Variants in RPTOR observed in about 807,000 individuals in gnomAD.
RPTOR encodes the protein regulatory-associated protein of mTOR.
In RPTOR, 21 loss-of-function variants were observed where a neutral mutation model predicts 169.9. The ratio of observed to expected loss-of-function variants is 0.12; its 90% confidence interval spans 0.09 to 0.18. RPTOR has a LOEUF of 0.18. Among genes scored for constraint, RPTOR ranks in the 10% least tolerant of loss-of-function variants. RPTOR has a pLI of 1.00. For synonymous variants in RPTOR, 732 were observed against 753.2 expected (o/e 0.97, Z 0.46); for missense variants, 1,133 against 1,855.9 (o/e 0.61, Z 7.16).
intron 3 of RPTOR, among the ~76,000 whole-genome samples, chr17:80,700,692 T>C (rs1598236043): frequency 4.8e-5 from 4 of 83,040 alleles, no homozygotes; most frequent in Admixed American, 1.2e-4. Context: ...GTGGTGGTGA[T>C]GGTGATGGTG....
At chr17:80,582,432 G>T (rs1356140529) in intron 1 of RPTOR, among the ~76,000 whole-genome samples, 1 of 152,102 alleles carries the variant, frequency 6.6e-6, no homozygotes, top group Non-Finnish European at 1.5e-5. Flanking sequence ...GGACTGTGTG[G>T]ACGCAGATCC....
At chr17:80,893,131 C>T (rs1269072787) in intron 19 of RPTOR, among the ~76,000 whole-genome samples, 1 of 152,250 alleles carries the variant, frequency 6.6e-6, no homozygotes, top group Non-Finnish European at 1.5e-5. Context: ...GGCGGTGGCT[C>T]CTTGGAGGGC....
intron 1 of RPTOR, among the ~76,000 whole-genome samples, chr17:80,590,647 C>A (rs1429375318): frequency 5.3e-5 from 8 of 152,228 alleles, no homozygotes. Context: ...TGCGTGCACA[C>A]AGTGTCTTTA....
chr17:80,917,820 A>C (rs2068692024), intron 21 of RPTOR, among the ~76,000 whole-genome samples: 1 of 152,034 alleles, frequency 6.6e-6, no homozygotes, highest in East Asian at 1.9e-4. Context: ...CCCCTCCGGG[A>C]ATCGTGAGCT....
In RPTOR at chr17:80,927,828, G is replaced by A. The variant is rs188519655; in HGVS notation, c.2919+2348G>A. On this transcript the variant is annotated intron_variant, in intron 24 of 33. Transcript: ENST00000306801. Reference sequence around the variant, plus strand: ...TCTTCAGATTAGCAGCCCCTCCTCCGCCTGCCCTCATCTCCTCCATTTGCA... The same window carrying A: ...TCTTCAGATTAGCAGCCCCTCCTCCACCTGCCCTCATCTCCTCCATTTGCA... Among the ~76,000 whole-genome samples, 894 of 151,778 alleles carry A rather than the reference G, an allele frequency of 5.9e-3. 6 individuals are homozygous for A. Among genetic ancestry groups the A allele is most frequent in the African/African-American group, 0.021 (849 of 41,310 alleles).
intron 25 of RPTOR, chr17:80,941,954 A>G (rs2144041833): frequency 6.6e-6 from 1 of 152,404 alleles, no homozygotes; most frequent in Admixed American, 6.5e-5. Context: ...ATTAACGCAG[A>G]CGGTGGCTGT....
At chr17:80,712,086 T>G (rs1249289004) in intron 4 of RPTOR, among the ~76,000 whole-genome samples, 3 of 152,126 alleles carry the variant, frequency 2.0e-5, no homozygotes, top group Admixed American at 6.5e-5. Context: ...TAAGAGCAGT[T>G]TTAATTTTAC....
chr17:80,833,763 G>A (rs1023342492), intron 9 of RPTOR, among the ~76,000 whole-genome samples: 6 of 152,242 alleles, frequency 3.9e-5, no homozygotes, highest in African/African-American at 1.4e-4. Flanking sequence ...GCCACGGCAG[G>A]CAGATCACCT....
At chr17:80,583,264 T>C (rs183455383) in intron 1 of RPTOR, among the ~76,000 whole-genome samples, 8 of 143,190 alleles carry the variant, frequency 5.6e-5, no homozygotes, top group Non-Finnish European at 1.2e-4. Context: ...TCACCGCTCA[T>C]TGCAGCTTCT....
At chr17:80,744,947 T>C (rs1009279093) in intron 5 of RPTOR, among the ~76,000 whole-genome samples, 3 of 140,688 alleles carry the variant, frequency 2.1e-5, no homozygotes, top group African/African-American at 9.4e-5. Flanking sequence ...CCCTGGTTAC[T>C]AGCAGAGCCC....
At position 80,782,537 on chromosome 17, in the gene RPTOR, T is replaced by C. The variant is rs139275071; in HGVS notation, c.831-8913T>C. ...TATTTAGCGGGAAACTAATGCCTCT[T>C]GCAGCCATCAGGCACTGTTTTCCCT... On this transcript the variant is annotated intron_variant, in intron 6 of 33. Coordinates refer to ENST00000306801, the MANE Select transcript of RPTOR (RefSeq NM_020761.3). Among the ~76,000 whole-genome samples, 1,264 of 152,314 alleles carry C rather than the reference T, an allele frequency of 8.3e-3. 16 individuals are homozygous for C. Among genetic ancestry groups the C allele is most frequent in the African/African-American group, 0.028 (1,168 of 41,554 alleles).
chr17:80,947,280 C>T lies in RPTOR; in HGVS notation c.3194C>T (p.Pro1065Leu). 6.2e-7 allele frequency: 1 copy of T among 1,605,958 alleles called. No individual in the cohort carries two copies. The change falls in exon 27 of 34, where the codon CCT becomes CTT. Residue 1065 changes from proline (P) to leucine (L), a missense_variant. Physicochemically the swap from Pro to Leu is moderately conservative, Grantham distance 98. Transcript: ENST00000306801. The surrounding 1 kb of genome is among the most constrained non-coding windows in gnomAD (Gnocchi z 4.4). ...CTGGATTATTTCCACAATGGGAACC[C>T]TCGGTACACGAGGGTCACTGCCATG... ...EKLDYFHNGN[P>L]RYTRVTAMEY...
intron 6 of RPTOR, among the ~76,000 whole-genome samples, chr17:80,760,669 T>G (rs1231378471): frequency 6.6e-6 from 1 of 152,208 alleles, no homozygotes; most frequent in Non-Finnish European, 1.5e-5. Flanking sequence ...AGCTTGGCAC[T>G]TCCTGCTCCA....
intron 5 of RPTOR, among the ~76,000 whole-genome samples, chr17:80,740,677 T>C (rs1171219838): frequency 6.6e-6 from 1 of 152,158 alleles, no homozygotes; most frequent in Non-Finnish European, 1.5e-5. Context: ...ATCATACGAT[T>C]TTACCAATTG....
chr17:80,887,923 A>G (rs2068268797), intron 17 of RPTOR, among the ~76,000 whole-genome samples: 3 of 151,892 alleles, frequency 2.0e-5, no homozygotes, highest in Admixed American at 6.6e-5. Context: ...GTCAGCAGCC[A>G]CCCGTCCCTT....
chr17:80,826,399 C>G (rs957460265), intron 9 of RPTOR, among the ~76,000 whole-genome samples: 1 of 152,218 alleles, frequency 6.6e-6, no homozygotes, highest in South Asian at 2.1e-4. Context: ...GTGCAGAGCT[C>G]GTCACCAGGC....
chr17:80,864,372 A>C (rs2014851), intron 13 of RPTOR, among the ~76,000 whole-genome samples: 1 of 105,912 alleles, frequency 9.4e-6, no homozygotes, highest in Non-Finnish European at 1.9e-5. Context: ...AAAGGTGAGA[A>C]TGATGGCAAG....
chr17:80,962,935 G>A lies in RPTOR; in HGVS notation c.3817G>A (p.Val1273Ile), dbSNP rs771184410. 2.5e-6 allele frequency: 4 copies of A among 1,613,504 alleles called. No homozygotes were observed. The highest frequency in any genetic ancestry group is 3.4e-6 in the Non-Finnish European group (4 of 1,179,956). Residue 1273 changes from valine (V) to isoleucine (I), a missense_variant, in exon 33 of 34, where the codon GTC (valine) becomes ATC (isoleucine). Around this residue, in one of 9 missense-constraint regions of RPTOR, gnomAD observed 410 missense variants for 623.7 expected, o/e 0.66. Transcript: ENST00000306801. The stretch of plus-strand genomic sequence containing the variant: ...CCCTTTCTCTCCCCACAGTGGCTCC[G>A]TCAATCAGTTCACCGCCATCTACAA... Reference protein sequence around the residue: ...PQADLIACGSVNQFTAIYNSS... With the variant: ...PQADLIACGSINQFTAIYNSS...
At chr17:80,561,284 T>C (rs2084490281) in intron 1 of RPTOR, among the ~76,000 whole-genome samples, 2 of 126,456 alleles carry the variant, frequency 1.6e-5, no homozygotes, top group Admixed American at 9.0e-5. Context: ...TATATATATA[T>C]ATATTTAGTA....
Sources: allele counts gnomAD v4.1 joint callset (sites outside exome capture counted in the v4.1 genomes callset), GRCh38; gene constraint gnomAD v4.1.1; regional missense constraint gnomAD v4.1.1; non-coding constraint Gnocchi (gnomAD v3.1); transcripts MANE v1.5; gene names NCBI Gene and HGNC (gene_info 2026-07-23, HGNC 2026-07-21).